Variants in TAS2R1 observed in about 807,000 individuals in gnomAD.
TAS2R1 encodes taste 2 receptor member 1, also known as taste receptor type 2 member 1.
For missense variants in TAS2R1, 370 were observed against 353.4 expected (o/e 1.05, Z -0.38); for synonymous variants, 141 against 134.2 (o/e 1.05, Z -0.35).
the TAS2R1 span, among the ~76,000 whole-genome samples, chr5:9,728,168 T>C: frequency 1.3e-5 from 2 of 151,884 alleles, no homozygotes; most frequent in Non-Finnish European, 2.9e-5. Context: ...ACCACCCCAA[T>C]AGAATGGGGT....
At chr5:9,900,697 T>G in the TAS2R1 span, among the ~76,000 whole-genome samples, 1 of 148,262 alleles carries the variant, frequency 6.7e-6, no homozygotes, top group Admixed American at 6.9e-5. Context: ...CTCGGCTCAC[T>G]GCAAGCTCCG....
chr5:9,875,609 T>C, the TAS2R1 span, among the ~76,000 whole-genome samples: 2 of 152,200 alleles, frequency 1.3e-5, no homozygotes, highest in Non-Finnish European at 2.9e-5. Flanking sequence ...AAGGGAGATC[T>C]GGTGCACTAC....
chr5:9,842,314 CTCTTTTTTT>C, the TAS2R1 span, among the ~76,000 whole-genome samples: 94 of 127,670 alleles, frequency 7.4e-4, 1 homozygote, highest in African/African-American at 2.6e-3. Flanking sequence ...CTTTCTTTCT[CTCTTTTTTT>C]TTTTTTTTTT....
At chr5:9,735,542 T>C in the TAS2R1 span, among the ~76,000 whole-genome samples, 1 of 151,576 alleles carries the variant, frequency 6.6e-6, no homozygotes, top group South Asian at 2.1e-4. Flanking sequence ...ATCCCTACAG[T>C]AATCCTAGAT....
At chr5:9,852,901 A>G in the TAS2R1 span, among the ~76,000 whole-genome samples, 1 of 152,194 alleles carries the variant, frequency 6.6e-6, no homozygotes, top group Non-Finnish European at 1.5e-5. Context: ...TTCCCAGTCA[A>G]TGAATGAGCA....
At chr5:9,876,668 CAG>C in the TAS2R1 span, among the ~76,000 whole-genome samples, 1 of 152,036 alleles carries the variant, frequency 6.6e-6, no homozygotes, top group Non-Finnish European at 1.5e-5. Flanking sequence ...TTATGGAAAA[CAG>C]ATGGAAAGAG....
chr5:9,781,843 C>T, the TAS2R1 span, among the ~76,000 whole-genome samples: 22 of 152,204 alleles, frequency 1.4e-4, no homozygotes, highest in Admixed American at 2.6e-4. Flanking sequence ...CATCCATCAT[C>T]CCTGCCTATC....
the TAS2R1 span, among the ~76,000 whole-genome samples, chr5:9,730,877 C>T: frequency 6.6e-6 from 1 of 152,176 alleles, no homozygotes; most frequent in East Asian, 1.9e-4. Flanking sequence ...AGGCATTTCC[C>T]TTTTCTCTTG....
intron 1 of TAS2R1, among the ~76,000 whole-genome samples, chr5:9,678,700 A>G (rs1004648693): frequency 1.3e-5 from 2 of 152,150 alleles, no homozygotes; most frequent in East Asian, 1.9e-4. Context: ...CAAACACCGC[A>G]TGTTCTCACT....
chr5:9,660,052 A>ATTTTTTTTTTTTTT (rs1579771915), intron 1 of TAS2R1: 2 of 140,476 alleles, frequency 1.4e-5, no homozygotes, highest in African/African-American at 5.5e-5. Flanking sequence ...ATCCTGAAAT[A>ATTTTTTTTTTTTTT]TTTCTTTTTT....
intron 1 of TAS2R1, among the ~76,000 whole-genome samples, chr5:9,697,228 A>G (rs1183063036): frequency 6.6e-6 from 1 of 152,282 alleles, no homozygotes; most frequent in Non-Finnish European, 1.5e-5. Flanking sequence ...AAAAATTTTA[A>G]AAATCAGGAA....
the TAS2R1 span, among the ~76,000 whole-genome samples, chr5:9,818,165 T>A: frequency 6.6e-6 from 1 of 152,184 alleles, no homozygotes; most frequent in Non-Finnish European, 1.5e-5. Context: ...GGCTGTCACG[T>A]CCTTAAGGCC....
At chr5:9,750,964 T>C in the TAS2R1 span, among the ~76,000 whole-genome samples, 1 of 151,776 alleles carries the variant, frequency 6.6e-6, no homozygotes, top group African/African-American at 2.4e-5. Flanking sequence ...TCAATACGTA[T>C]ATGATGATTG....
chr5:9,638,298 C>T (rs140047307), intron 2 of TAS2R1, among the ~76,000 whole-genome samples: 36 of 152,196 alleles, frequency 2.4e-4, no homozygotes, highest in African/African-American at 7.0e-4. Flanking sequence ...GTCTCCCAGA[C>T]ATGGATTCCA....
the TAS2R1 span, among the ~76,000 whole-genome samples, chr5:9,804,596 C>T: frequency 6.6e-5 from 10 of 152,160 alleles, no homozygotes; most frequent in African/African-American, 2.4e-4. Context: ...AAGAAACCCT[C>T]GAAACCATGC....
the TAS2R1 span, among the ~76,000 whole-genome samples, chr5:9,810,441 C>T: frequency 1.3e-5 from 2 of 152,152 alleles, no homozygotes; most frequent in Admixed American, 6.5e-5. Flanking sequence ...AAGATAAATT[C>T]TTCTCCTCAC....
chr5:9,881,522 A>G, the TAS2R1 span, among the ~76,000 whole-genome samples: 1 of 152,214 alleles, frequency 6.6e-6, no homozygotes, highest in Middle Eastern at 3.2e-3. Context: ...AAAGTTAATA[A>G]GGAATGAAAA....
intron 2 of TAS2R1, among the ~76,000 whole-genome samples, chr5:9,654,543 A>G (rs1038074698): frequency 1.1e-4 from 16 of 152,204 alleles, no homozygotes; most frequent in Non-Finnish European, 2.1e-4. Flanking sequence ...ACAATGATGA[A>G]AACTAAGTGA....
the TAS2R1 span, among the ~76,000 whole-genome samples, chr5:9,733,065 C>T: frequency 6.6e-6 from 1 of 152,166 alleles, no homozygotes; most frequent in South Asian, 2.1e-4. Context: ...CACAGCAACA[C>T]CTAGATTTGT....
Sources: gnomAD v4.1 joint callset for allele counts (sites outside exome capture counted in the v4.1 genomes callset) on GRCh38, gnomAD v4.1.1 for gene constraint, MANE v1.5 for transcripts, NCBI Gene and HGNC (gene_info 2026-07-23, HGNC 2026-07-21) for gene names.